Variants in FBXO9 observed in about 807,000 individuals in gnomAD.
The protein encoded by FBXO9 is F-box protein 9.
FBXO9 carries 43 observed loss-of-function variants against 63.7 expected under a neutral mutation model. The observed-to-expected ratio is 0.67, with a 90% CI of 0.53 to 0.87. FBXO9 has a LOEUF of 0.87. FBXO9 is among the 40% of genes least tolerant of loss of function. The pLI is 0.00. For missense variants in FBXO9, 442 were observed against 533.2 expected (o/e 0.83, Z 1.68); for synonymous variants, 156 against 171.7 (o/e 0.91, Z 0.72).
At chr6:53,071,728 A>G (rs1233908090) in intron 2 of FBXO9, among the ~76,000 whole-genome samples, 1 of 152,220 alleles carries the variant, frequency 6.6e-6, no homozygotes, top group African/African-American at 2.4e-5. Flanking sequence ...TGAAAATGTA[A>G]ATTGGTACAG....
chr6:53,087,209 G>A (rs1762915147), intron 7 of FBXO9, among the ~76,000 whole-genome samples: 1 of 151,912 alleles, frequency 6.6e-6, no homozygotes, highest in Non-Finnish European at 1.5e-5. Flanking sequence ...TGGACGTAGT[G>A]TGTGTACCTG....
intron 1 of FBXO9, among the ~76,000 whole-genome samples, chr6:53,070,164 G>A (rs1233842506): frequency 6.6e-6 from 1 of 151,228 alleles, no homozygotes; most frequent in East Asian, 1.9e-4. Context: ...GACCACAGGC[G>A]TGTACCACCA....
At chr6:53,066,083 A>G (rs186771794) in intron 1 of FBXO9, 1 of 1,205,694 alleles carries the variant, frequency 8.3e-7, no homozygotes, top group Non-Finnish European at 1.0e-6. Context: ...TTCTCGGCTC[A>G]CTGAGTATAT....
At chr6:53,069,106 C>G (rs936727267) in intron 1 of FBXO9, among the ~76,000 whole-genome samples, 1 of 152,198 alleles carries the variant, frequency 6.6e-6, no homozygotes, top group Non-Finnish European at 1.5e-5. Context: ...TAAGGAGACT[C>G]TGTCCCAAGA....
chr6:53,092,759 T>C lies in FBXO9; in HGVS notation c.798T>C (p.Tyr266=). 6.2e-7 allele frequency: 1 copy of C among 1,612,072 alleles called. No individual in the cohort carries two copies. The change falls in exon 9 of 13, where the codon TAT becomes TAC. Residue 266 remains tyrosine (Y), a synonymous_variant. Coordinates refer to ENST00000323557, the MANE Select transcript of FBXO9 (RefSeq NM_033480.3). ...GCGTGTATATCAGTAAAACCACATA[T>C]ATTCGTCAAGGGGAACAGTCTCTTG... ...FDGVYISKTT[Y]IRQGEQSLDG...
chr6:53,066,813 A>G (rs929347442), intron 1 of FBXO9, among the ~76,000 whole-genome samples: 1 of 152,246 alleles, frequency 6.6e-6, no homozygotes, highest in Admixed American at 6.5e-5. Context: ...GTCAAACTCG[A>G]TTATGAAAAA....
At chr6:53,077,924 G>A (rs2127491738) in intron 4 of FBXO9, among the ~76,000 whole-genome samples, 1 of 152,236 alleles carries the variant, frequency 6.6e-6, no homozygotes, top group East Asian at 1.9e-4. Context: ...ACAGCTCCAA[G>A]TTCTACTGGT....
chr6:53,066,014 A>C (rs1581800838), intron 1 of FBXO9: 2 of 1,210,396 alleles, frequency 1.7e-6, no homozygotes, highest in Non-Finnish European at 2.1e-6. Flanking sequence ...AGCCTCCCCA[A>C]CCCCCGCCGA....
At chr6:53,095,289 T>C (rs1259744078) in intron 11 of FBXO9, among the ~76,000 whole-genome samples, 1 of 152,176 alleles carries the variant, frequency 6.6e-6, no homozygotes, top group South Asian at 2.1e-4. Flanking sequence ...ACACATGAGG[T>C]TATTATGATG....
chr6:53,084,959 C>T (rs1285793952), intron 7 of FBXO9, among the ~76,000 whole-genome samples: 1 of 152,040 alleles, frequency 6.6e-6, no homozygotes, highest in Non-Finnish European at 1.5e-5. Flanking sequence ...ACTCTTAAAG[C>T]CGGATGTTTT....
chr6:53,071,710 A>G (rs1261755737), intron 2 of FBXO9, among the ~76,000 whole-genome samples: 1 of 152,242 alleles, frequency 6.6e-6, no homozygotes, highest in Admixed American at 6.5e-5. Flanking sequence ...ACACTCATGC[A>G]GTGTACATGA....
intron 2 of FBXO9, among the ~76,000 whole-genome samples, chr6:53,072,065 T>C (rs1768935150): frequency 1.3e-5 from 2 of 152,150 alleles, no homozygotes. Context: ...AGGTTAATAA[T>C]AATTATTTGG....
chr6:53,085,170 C>T (rs971609557), intron 7 of FBXO9, among the ~76,000 whole-genome samples: 2 of 152,124 alleles, frequency 1.3e-5, no homozygotes, highest in African/African-American at 4.8e-5. Flanking sequence ...AGTCTTCTAA[C>T]GTCATAAAGA....
At chr6:53,082,723 A>T in intron 7 of FBXO9, 105 bp downstream of exon 7, 2 of 769,688 alleles carry the variant, frequency 2.6e-6, no homozygotes, top group South Asian at 3.7e-5. Flanking sequence ...GTTCTGAGTT[A>T]AAGCTTAGAA....
intron 7 of FBXO9, among the ~76,000 whole-genome samples, chr6:53,087,341 C>CAA (rs58776188): frequency 0.01 from 465 of 45,364 alleles, 3 homozygotes; most frequent in African/African-American, 0.017. Context: ...GATCCTATCT[C>CAA]AAAAAAAAAA....
At position 53,082,608 on chromosome 6, in the gene FBXO9, A is replaced by G; in HGVS notation, c.643A>G (p.Ile215Val). ...QLSLVCRGFY[I>V]CARDPEIWRL... Reference sequence around the variant, plus strand: ...GTCGCTGGTGTGCAGAGGATTCTACATCTGTGCCAGGTACTAAGTTTTTGT... The same window carrying G: ...GTCGCTGGTGTGCAGAGGATTCTACGTCTGTGCCAGGTACTAAGTTTTTGT... The change falls in exon 7 of 13, where the codon ATC becomes GTC. Residue 215 changes from isoleucine (I) to valine (V), a missense_variant. By Grantham distance (29) the Ile-to-Val change is conservative. Coordinates refer to ENST00000323557, the MANE Select transcript of FBXO9 (RefSeq NM_033480.3). The G allele has an allele frequency of 1.2e-6, 2 of 1,611,332 alleles. No homozygotes were observed. The highest frequency in any genetic ancestry group is 1.7e-6 in the Non-Finnish European group (2 of 1,178,334).
At chr6:53,088,065 A>G (rs139780192) in intron 7 of FBXO9, among the ~76,000 whole-genome samples, 1 of 152,168 alleles carries the variant, frequency 6.6e-6, no homozygotes, top group Non-Finnish European at 1.5e-5. Flanking sequence ...TTTTTATACA[A>G]AATTATTCTC....
intron 1 of FBXO9, chr6:53,070,824 C>T (rs1768889119): frequency 6.3e-6 from 3 of 479,846 alleles, no homozygotes; most frequent in South Asian, 1.3e-4. Flanking sequence ...TTAGGATTCA[C>T]AATAACGTGA....
At position 53,099,480 on chromosome 6, in the gene FBXO9, C is replaced by T. The variant is rs1331823003; in HGVS notation, c.*1650C>T. On this transcript the variant is annotated 3_prime_UTR_variant, in exon 13 of 13. Coordinates refer to ENST00000323557, the MANE Select transcript of FBXO9 (RefSeq NM_033480.3). ...AGTTGGCCAGGTGTGGTGACTCACA[C>T]CTATAATCCCAATACTTTGGGAGGC... is the stretch of plus-strand genomic sequence containing the variant. 2 of 152,060 alleles carry T rather than the reference C, an allele frequency of 1.3e-5. No homozygotes were observed. Among genetic ancestry groups the T allele is most frequent in the Non-Finnish European group, 2.9e-5 (2 of 68,142 alleles). The allele number at this position is 152,060 out of a possible 1,614,324, so 9.4% of individuals were successfully genotyped here.
Sources: allele counts gnomAD v4.1 joint callset (sites outside exome capture counted in the v4.1 genomes callset), GRCh38; gene constraint gnomAD v4.1.1; transcripts MANE v1.5; gene names NCBI Gene and HGNC (gene_info 2026-07-23, HGNC 2026-07-21).